CTTNBP2NL: variants seen among roughly 807,000 people sequenced by gnomAD.
CTTNBP2NL encodes CTTNBP2 N-terminal like.
A neutral mutation model predicts 32.5 loss-of-function variants in CTTNBP2NL; 16 were observed. The observed-to-expected ratio is 0.49, with a 90% CI of 0.33 to 0.75. The LOEUF is 0.75. CTTNBP2NL is among the 30% of genes least tolerant of loss of function. CTTNBP2NL has a pLI of 0.02. For missense variants in CTTNBP2NL, 645 were observed against 756.0 expected (o/e 0.85, Z 1.72); for synonymous variants, 298 against 289.4 (o/e 1.03, Z -0.30).
intron 3 of CTTNBP2NL, among the ~76,000 whole-genome samples, chr1:112,421,458 G>A (rs1425284493): frequency 4.0e-5 from 6 of 150,926 alleles, no homozygotes; most frequent in Non-Finnish European, 7.4e-5. Context: ...GCGCCACCAC[G>A]CCCGGCTAGT....
At chr1:112,397,559 A>C (rs951501313) in intron 1 of CTTNBP2NL, among the ~76,000 whole-genome samples, 2 of 152,236 alleles carry the variant, frequency 1.3e-5, no homozygotes, top group African/African-American at 4.8e-5. Context: ...AAGGTATTCT[A>C]GCTATTCATG....
In CTTNBP2NL at chr1:112,456,090, G is replaced by A. The variant is rs899591595; in HGVS notation, c.598G>A (p.Ala200Thr). Reference protein sequence around the residue: ...TNKAAEEGQKAGELSLKLEKE... With the variant: ...TNKAAEEGQKTGELSLKLEKE... The stretch of plus-strand genomic sequence containing the variant: ...CAAGGCAGCCGAGGAAGGACAGAAG[G>A]CAGGAGAGCTGAGCCTGAAATTGGA... Residue 200 changes from alanine to threonine, a missense_variant, in exon 6 of 6, where the codon GCA becomes ACA. By Grantham distance (58) the Ala-to-Thr change is moderately conservative. Coordinates refer to ENST00000271277, the MANE Select transcript of CTTNBP2NL (RefSeq NM_018704.3). 3.1e-6 allele frequency: 5 copies of A among 1,614,040 alleles called. No individual in the cohort carries two copies. Among genetic ancestry groups the A allele is most frequent in the Middle Eastern group, 1.6e-4 (1 of 6,084 alleles).
intron 4 of CTTNBP2NL, among the ~76,000 whole-genome samples, chr1:112,452,763 T>A (rs2101033162): frequency 6.6e-6 from 1 of 151,360 alleles, no homozygotes; most frequent in East Asian, 2.0e-4. Flanking sequence ...CACCTCAGCC[T>A]CCTGAGTAGC....
intron 3 of CTTNBP2NL, among the ~76,000 whole-genome samples, chr1:112,419,415 CAG>C (rs1649159971): frequency 1.3e-5 from 2 of 152,068 alleles, no homozygotes; most frequent in South Asian, 4.1e-4. Context: ...GATCTAATGA[CAG>C]TGCCAAAATA....
intron 3 of CTTNBP2NL, among the ~76,000 whole-genome samples, chr1:112,438,938 GAGA>G (rs1466274465): frequency 6.6e-6 from 1 of 152,096 alleles, no homozygotes; most frequent in Non-Finnish European, 1.5e-5. Context: ...TTGTTCTCTA[GAGA>G]AGAATGATCC....
chr1:112,439,526 T>C (rs1397484567), intron 3 of CTTNBP2NL, among the ~76,000 whole-genome samples: 10 of 152,162 alleles, frequency 6.6e-5, no homozygotes, highest in Non-Finnish European at 1.0e-4. Context: ...CTAGAGGAAA[T>C]GAAGATATCC....
intron 1 of CTTNBP2NL, among the ~76,000 whole-genome samples, chr1:112,397,414 C>CT (rs1007571334): frequency 2.5e-4 from 38 of 152,198 alleles, no homozygotes; most frequent in African/African-American, 8.7e-4. Context: ...TCTCTAACCC[C>CT]TTTTTTATAG....
chr1:112,457,659 G>A lies in CTTNBP2NL; in HGVS notation c.*247G>A, dbSNP rs1447274765. 6 of 402,016 alleles carry A rather than the reference G, an allele frequency of 1.5e-5. No individual in the cohort carries two copies. Among genetic ancestry groups the A allele is most frequent in the African/African-American group, 4.1e-5 (2 of 49,126 alleles). 24.9% of individuals were successfully genotyped at this position (402,016 alleles called of 1,614,324 possible). A position where few individuals can be genotyped will look rare whatever the true frequency, so the allele number is the denominator to read the frequency against. ...AGATGTCTCAAGCTCAGCAGTCACC[G>A]TCATGTTGTGATGAAGAAAGCGAAT... On this transcript the variant is annotated 3_prime_UTR_variant, in exon 6 of 6. Transcript: ENST00000271277.
At chr1:112,454,838 G>A (rs1650318602) in intron 5 of CTTNBP2NL, among the ~76,000 whole-genome samples, 1 of 152,128 alleles carries the variant, frequency 6.6e-6, no homozygotes, top group African/African-American at 2.4e-5. Context: ...CTCACTGTGG[G>A]ATTATTATTG....
At chr1:112,415,111 A>C (rs1486322347) in intron 2 of CTTNBP2NL, among the ~76,000 whole-genome samples, 1 of 152,118 alleles carries the variant, frequency 6.6e-6, no homozygotes. Flanking sequence ...GAATTACTTG[A>C]GCCCAGGAGG....
At chr1:112,428,070 C>T (rs969300832) in intron 3 of CTTNBP2NL, among the ~76,000 whole-genome samples, 1 of 151,908 alleles carries the variant, frequency 6.6e-6, no homozygotes, top group African/African-American at 2.4e-5. Context: ...CAATTATAAG[C>T]ATTTATATAT....
intron 1 of CTTNBP2NL, among the ~76,000 whole-genome samples, chr1:112,401,024 A>G (rs1289598430): frequency 6.6e-6 from 1 of 152,000 alleles, no homozygotes; most frequent in African/African-American, 2.4e-5. Context: ...ACACGTGCAC[A>G]TATCACAAAG....
At chr1:112,449,753 T>TGTGTGTGTGTGTG (rs58369949) in intron 4 of CTTNBP2NL, among the ~76,000 whole-genome samples, 902 of 25,400 alleles carry the variant, frequency 0.036, 10 homozygotes, top group African/African-American at 0.04. Context: ...TGTGTGTGTG[T>TGTGTGTGTGTGTG]TTTCCATATT....
At chr1:112,393,669 T>G (rs995321248), upstream of CTTNBP2NL, among the ~76,000 whole-genome samples, 20 of 151,894 alleles carry the variant, frequency 1.3e-4, no homozygotes, top group Admixed American at 8.5e-4. Flanking sequence ...CTTCTAGGGG[T>G]GAAAAATTAA....
At chr1:112,413,774 G>A (rs181558673) in intron 2 of CTTNBP2NL, among the ~76,000 whole-genome samples, 8 of 152,294 alleles carry the variant, frequency 5.3e-5, no homozygotes, top group Admixed American at 3.3e-4. Flanking sequence ...GAGGCTGGGC[G>A]TGGTGGCTCA....
chr1:112,425,240 G>T (rs1649358501), intron 3 of CTTNBP2NL, among the ~76,000 whole-genome samples: 1 of 152,118 alleles, frequency 6.6e-6, no homozygotes, highest in South Asian at 2.1e-4. Flanking sequence ...GGAGGCTGAG[G>T]CAGGCAGATC....
intron 1 of CTTNBP2NL, among the ~76,000 whole-genome samples, chr1:112,401,371 C>T (rs2100990006): frequency 6.6e-6 from 1 of 151,796 alleles, no homozygotes; most frequent in South Asian, 2.1e-4. Context: ...TTTTTTGGTC[C>T]AAGGAAAAAA....
At chr1:112,416,788 G>A (rs1006147511) in intron 3 of CTTNBP2NL, among the ~76,000 whole-genome samples, 1 of 152,012 alleles carries the variant, frequency 6.6e-6, no homozygotes, top group Non-Finnish European at 1.5e-5. Flanking sequence ...CACCACGCCC[G>A]GCAGAATTTC....
At chr1:112,406,115 C>T (rs1265010634) in intron 1 of CTTNBP2NL, among the ~76,000 whole-genome samples, 2 of 150,976 alleles carry the variant, frequency 1.3e-5, no homozygotes, top group African/African-American at 4.9e-5. Flanking sequence ...ACCTGGGAGG[C>T]GGAGGTTGCA....
Sources: allele counts gnomAD v4.1 joint callset (sites outside exome capture counted in the v4.1 genomes callset), GRCh38; gene constraint gnomAD v4.1.1; transcripts MANE v1.5; gene names NCBI Gene and HGNC (gene_info 2026-07-23, HGNC 2026-07-21).